Variants in ADGRG4 observed in about 807,000 individuals in gnomAD.
The protein encoded by ADGRG4 is G protein-coupled receptor 112.
ADGRG4 carries 122 observed loss-of-function variants against 126.2 expected under a neutral mutation model. The observed-to-expected ratio is 0.97, with a 90% confidence interval of 0.83 to 1.12. The LOEUF (loss-of-function observed/expected upper bound fraction) is 1.12. Ranked by LOEUF, ADGRG4 falls within the 50% of genes most tolerant of loss-of-function variation. The pLI is 0.00. For synonymous variants in ADGRG4, 943 were observed against 838.7 expected, an observed-to-expected ratio of 1.12 and a Z score of -2.15; for missense variants, 2,481 against 2,251.8, an observed-to-expected ratio of 1.10 and a Z score of -2.06.
At chrX:136,407,771 T>TGGC (rs1282905634) in intron 23 of ADGRG4, among the ~76,000 whole-genome samples, 4 of 112,094 alleles carry the variant, frequency 3.6e-5, no homozygotes, top group Admixed American at 2.8e-4. Flanking sequence ...TTGAGGCTAC[T>TGGC]GGCACTTGGT....
chrX:136,305,554 G>A (rs1181409365), intron 3 of ADGRG4, among the ~76,000 whole-genome samples: 1 of 112,112 alleles, frequency 8.9e-6, no homozygotes, highest in East Asian at 2.8e-4. Flanking sequence ...TTCTTGAGAC[G>A]AACATAAAGC....
rs2075476535 is a variant in ADGRG4, at chrX:136,416,536, T to C, written c.*45T>C. On this transcript the variant is annotated 3_prime_UTR_variant, in exon 26 of 26. Transcript: ENST00000394143. ...TTATGTAAAAAGAATATAATACCTG[T>C]GGAAATAAAAATGAATTCCAAGTGT... 4 of 1,044,392 alleles carry C rather than the reference T, an allele frequency of 3.8e-6. No individual in the cohort carries two copies. Among genetic ancestry groups the C allele is most frequent in the Non-Finnish European group, 4.0e-6 (3 of 751,739 alleles). 86.1% of individuals were successfully genotyped at this position (1,044,392 alleles called of 1,213,427 possible).
intron 5 of ADGRG4, among the ~76,000 whole-genome samples, chrX:136,332,111 C>T (rs1217147763): frequency 1.3e-4 from 14 of 107,647 alleles, no homozygotes; most frequent in East Asian, 2.9e-4. Flanking sequence ...CACACTAACT[C>T]GTCATCTAGC....
chrX:136,352,808 T>C (rs941152668), intron 7 of ADGRG4, among the ~76,000 whole-genome samples: 2 of 112,061 alleles, frequency 1.8e-5, no homozygotes, highest in African/African-American at 6.5e-5. Flanking sequence ...ATTAGTCTAC[T>C]CAGGCTACCA....
intron 16 of ADGRG4, among the ~76,000 whole-genome samples, chrX:136,389,055 CA>C (rs1368169600): frequency 9.0e-6 from 1 of 111,716 alleles, no homozygotes; most frequent in Non-Finnish European, 1.9e-5. Flanking sequence ...TACCACACGC[CA>C]CCTCAAATAT....
In ADGRG4 at chrX:136,349,306, G is replaced by A. The variant is rs374459154; in HGVS notation, c.5600G>A (p.Gly1867Glu). 1.9e-4 allele frequency: 228 copies of A among 1,206,679 alleles called. No homozygotes were observed. Among genetic ancestry groups the A allele is most frequent in the Middle Eastern group, 9.2e-4 (4 of 4,341 alleles). Reference protein sequence around the residue: ...TSQMVEFPVLGTRMTSSNTQP... With the variant: ...TSQMVEFPVLETRMTSSNTQP... The stretch of plus-strand genomic sequence containing the variant: ...CAAATGGTTGAATTTCCAGTTCTGG[G>A]AACAAGAATGACATCTAGTAATACC... The change falls in exon 6 of 26, where the codon GGA (glycine) becomes GAA (glutamate). Residue 1867 changes from glycine to glutamate, a missense_variant. By Grantham distance (98) the Gly-to-Glu change is moderately conservative. Transcript: ENST00000394143.
intron 13 of ADGRG4, among the ~76,000 whole-genome samples, chrX:136,367,914 G>A (rs1185349722): frequency 8.9e-6 from 1 of 111,969 alleles, no homozygotes; most frequent in Non-Finnish European, 1.9e-5. Context: ...GTTCTCTTCT[G>A]TGCTCAATGT....
chrX:136,353,483 T>C (rs946554636), intron 8 of ADGRG4, 82 bp downstream of exon 8: 1 of 634,725 alleles, frequency 1.6e-6, no homozygotes, highest in South Asian at 2.6e-5. Context: ...GGATGTCCTA[T>C]GTTTATGTCT....
At chrX:136,319,375 CAT>C (rs1442110968) in intron 4 of ADGRG4, among the ~76,000 whole-genome samples, 1 of 112,462 alleles carries the variant, frequency 8.9e-6, no homozygotes, top group Non-Finnish European at 1.9e-5. Flanking sequence ...TTCTCACACA[CAT>C]AACCTAAATG....
At chrX:136,376,753 C>T (rs961127281) in intron 15 of ADGRG4, among the ~76,000 whole-genome samples, 4 of 110,193 alleles carry the variant, frequency 3.6e-5, no homozygotes, top group African/African-American at 6.6e-5. Flanking sequence ...ACAGCTTGGT[C>T]GCTGTTGGTG....
intron 24 of ADGRG4, among the ~76,000 whole-genome samples, chrX:136,413,515 GA>G (rs1376321476): frequency 1.8e-5 from 2 of 109,946 alleles, no homozygotes; most frequent in African/African-American, 3.3e-5. Flanking sequence ...AAATTTACGA[GA>G]AAAAAACAAA....
chrX:136,391,630 C>T (rs1376978653), intron 16 of ADGRG4, among the ~76,000 whole-genome samples: 2 of 112,094 alleles, frequency 1.8e-5, no homozygotes, highest in African/African-American at 6.5e-5. Flanking sequence ...TCACTGTGGG[C>T]ACAAGACACC....
At position 136,344,701 on chromosome X, in the gene ADGRG4, C is replaced by A; in HGVS notation, c.995C>A (p.Ser332Tyr). Reference protein sequence around the residue: ...SAISLPTQSISIDNTTNSMKK... With the variant: ...SAISLPTQSIYIDNTTNSMKK... ...ATCTCTCTGCCTACCCAGAGTATATCCATAGACAATACTACCAATTCCATG... is the reference window on the plus strand; with the variant it reads ...ATCTCTCTGCCTACCCAGAGTATATACATAGACAATACTACCAATTCCATG... Residue 332 changes from serine (S) to tyrosine (Y), a missense_variant, in exon 6 of 26, where the codon TCC becomes TAC. Ser to Tyr is a moderately radical substitution (Grantham distance 144). Coordinates refer to ENST00000394143, the MANE Select transcript of ADGRG4 (RefSeq NM_153834.4). 8.3e-7 allele frequency: 1 copy of A among 1,203,592 alleles called. No homozygotes were observed. Among genetic ancestry groups the A allele is most frequent in the Non-Finnish European group, 1.1e-6 (1 of 888,373 alleles).
intron 25 of ADGRG4, 26 bp from the exon 26 acceptor site, chrX:136,416,428 A>G: frequency 8.5e-7 from 1 of 1,183,021 alleles, no homozygotes. Flanking sequence ...CCGCAGCTGA[A>G]AATTTTCTTT....
At chrX:136,307,947 A>C (rs1193758053) in intron 3 of ADGRG4, among the ~76,000 whole-genome samples, 1 of 112,821 alleles carries the variant, frequency 8.9e-6, no homozygotes, top group Non-Finnish European at 1.9e-5. Flanking sequence ...AGATTTCTCT[A>C]AACAGATCTG....
At chrX:136,319,747 CTATCATCTATCTATT>C (rs976093567) in intron 4 of ADGRG4, among the ~76,000 whole-genome samples, 1 of 108,408 alleles carries the variant, frequency 9.2e-6, no homozygotes, top group African/African-American at 3.4e-5. Flanking sequence ...ATCTATCTAT[CTATCATCTATCTATT>C]ATCTATTATT....
chrX:136,346,548 G>A lies in ADGRG4; in HGVS notation c.2842G>A (p.Gly948Arg). 1 of 1,210,285 alleles carries A rather than the reference G, an allele frequency of 8.3e-7. No individual in the cohort carries two copies. The highest frequency in any genetic ancestry group is 1.1e-6 in the Non-Finnish European group (1 of 894,640). Residue 948 changes from glycine (G) to arginine (R), a missense_variant, in exon 6 of 26, where the codon GGA (glycine) becomes AGA (arginine). Transcript: ENST00000394143. ...VAHWTSETSE[G>R]ISAGSPTSGS... ...ACATTGGACTTCAGAGACATCTGAG[G>A]GAATTTCAGCTGGATCTCCCACTTC... is the stretch of plus-strand genomic sequence containing the variant.
intron 11 of ADGRG4, 74 bp downstream of exon 11, chrX:136,359,529 G>A: frequency 1.3e-6 from 1 of 791,595 alleles, no homozygotes; most frequent in Non-Finnish European, 1.8e-6. Context: ...TGCATACTTG[G>A]TTAAGGATTC....
Position 136,379,244 on chromosome X carries a change from A to G in ADGRG4, c.7776+6180A>G, listed in dbSNP as rs928108981. 3.6e-5 allele frequency among the ~76,000 whole-genome samples: 4 copies of G among 111,540 alleles called. No homozygotes were observed. In the South Asian group the frequency reaches 1.5e-3, roughly 42 times the overall value. On this transcript the variant is annotated intron_variant, in intron 15 of 25. Coordinates refer to ENST00000394143, the MANE Select transcript of ADGRG4 (RefSeq NM_153834.4). ...TTTTTCTAAGAGTTTATTTCATCTA[A>G]CTTGTCAAGCTTATTGGCAATAATT...
Sources: gnomAD v4.1 joint callset for allele counts (sites outside exome capture counted in the v4.1 genomes callset) on GRCh38, gnomAD v4.1.1 for gene constraint, MANE v1.5 for transcripts, NCBI Gene and HGNC (gene_info 2026-07-23, HGNC 2026-07-21) for gene names.